Variants in MYLK observed in about 807,000 individuals in gnomAD.
MYLK encodes the protein myosin light chain kinase, smooth muscle.
In MYLK, 106 loss-of-function variants were observed where a neutral mutation model predicts 203.4. That is an observed-to-expected ratio of 0.52 (90% CI 0.45 to 0.61). The LOEUF is 0.61. Ranked by LOEUF, MYLK falls within the 20% of genes least tolerant of loss-of-function variation. The pLI, the probability that MYLK is intolerant of heterozygous loss-of-function variation, is 0.00. For synonymous variants in MYLK, 867 were observed against 959.5 expected (o/e 0.90, Z 1.78); for missense variants, 2,072 against 2,442.3 (o/e 0.85, Z 3.20).
At chr3:123,789,979 A>G (rs919674348) in intron 4 of MYLK, among the ~76,000 whole-genome samples, 2 of 152,224 alleles carry the variant, frequency 1.3e-5, no homozygotes, top group African/African-American at 4.8e-5. Context: ...GCTATTTATC[A>G]GTTAGGAATA....
intron 20 of MYLK, among the ~76,000 whole-genome samples, chr3:123,671,918 TC>T (rs2059925899): frequency 1.3e-5 from 2 of 151,960 alleles, no homozygotes; most frequent in African/African-American, 4.8e-5. Flanking sequence ...AGAGAAGCTC[TC>T]CAGGGAAGAA....
intron 4 of MYLK, among the ~76,000 whole-genome samples, chr3:123,777,143 G>C (rs2064108756): frequency 6.6e-6 from 1 of 152,256 alleles, no homozygotes; most frequent in African/African-American, 2.4e-5. Flanking sequence ...CAGTGATCCT[G>C]ACTGTATTAC....
chr3:123,750,218 A>C (rs1407420362), intron 5 of MYLK, among the ~76,000 whole-genome samples: 1 of 152,250 alleles, frequency 6.6e-6, no homozygotes, highest in Non-Finnish European at 1.5e-5. Flanking sequence ...GAAGACAGAA[A>C]GTATCTTACA....
chr3:123,731,440 T>G (rs367786173), intron 11 of MYLK, among the ~76,000 whole-genome samples: 9 of 152,350 alleles, frequency 5.9e-5, no homozygotes, highest in Admixed American at 3.9e-4. Context: ...CATTTACACA[T>G]GAGCCTGTAC....
chr3:123,875,868 C>G (rs1439991405), intron 2 of MYLK, among the ~76,000 whole-genome samples: 1 of 152,116 alleles, frequency 6.6e-6, no homozygotes, highest in Non-Finnish European at 1.5e-5. Flanking sequence ...AACAGATGAT[C>G]AGGTAGATAC....
At chr3:123,643,482 C>A (rs73860105) in intron 27 of MYLK, among the ~76,000 whole-genome samples, 1,595 of 152,224 alleles carry the variant, frequency 0.01, 28 homozygotes, top group African/African-American at 0.036. Flanking sequence ...TTCAGATATA[C>A]TTATTATATT....
intron 3 of MYLK, chr3:123,831,346 C>T: frequency 1.6e-6 from 2 of 1,284,422 alleles, no homozygotes; most frequent in Non-Finnish European, 2.0e-6. Flanking sequence ...TTCTGACCAG[C>T]TAAGCCAAAA....
chr3:123,880,016 C>T (rs982290929), intron 1 of MYLK, among the ~76,000 whole-genome samples: 8 of 152,164 alleles, frequency 5.3e-5, no homozygotes, highest in Non-Finnish European at 1.2e-4. Context: ...TCATTAGTGT[C>T]TGCTGGTTGA....
At chr3:123,878,480 T>G (rs902123369) in intron 1 of MYLK, among the ~76,000 whole-genome samples, 1 of 152,118 alleles carries the variant, frequency 6.6e-6, no homozygotes, top group Non-Finnish European at 1.5e-5. Context: ...ACAGGCCAGA[T>G]AAAGGTAGGA....
intron 4 of MYLK, among the ~76,000 whole-genome samples, chr3:123,770,780 G>A (rs2063855781): frequency 1.3e-5 from 2 of 152,190 alleles, no homozygotes; most frequent in African/African-American, 4.8e-5. Flanking sequence ...TTGTATAAAA[G>A]TCTACATGCT....
chr3:123,718,828 G>A (rs559484205), intron 13 of MYLK, among the ~76,000 whole-genome samples: 3 of 152,326 alleles, frequency 2.0e-5, no homozygotes, highest in African/African-American at 4.8e-5. Flanking sequence ...TCATCAGAAC[G>A]TAAGCACCCT....
intron 3 of MYLK, among the ~76,000 whole-genome samples, chr3:123,804,298 A>G (rs1214188677): frequency 6.6e-6 from 1 of 152,160 alleles, no homozygotes; most frequent in African/African-American, 2.4e-5. Flanking sequence ...TGGGCAGCCC[A>G]TGGCAGTAGG....
chr3:123,792,351 T>C (rs370403171), intron 4 of MYLK, among the ~76,000 whole-genome samples: 1 of 152,240 alleles, frequency 6.6e-6, no homozygotes, highest in Non-Finnish European at 1.5e-5. Context: ...TTATAATTAC[T>C]GTATATTGAA....
chr3:123,667,310 T>C, intron 20 of MYLK, 123 bp from the exon 21 acceptor site: 1 of 985,306 alleles, frequency 1.0e-6, no homozygotes, highest in Non-Finnish European at 1.6e-6. Context: ...TATTTGAACA[T>C]GTCTTTTCAG....
At chr3:123,638,343 T>A in intron 28 of MYLK, 149 bp from the exon 29 acceptor site, 1 of 1,153,852 alleles carries the variant, frequency 8.7e-7, no homozygotes, top group Admixed American at 1.9e-5. Flanking sequence ...ACATCTGACC[T>A]CCTTGTTAAA....
chr3:123,868,231 T>C (rs2032470014), intron 2 of MYLK, among the ~76,000 whole-genome samples: 1 of 152,202 alleles, frequency 6.6e-6, no homozygotes, highest in South Asian at 2.1e-4. Flanking sequence ...AAAGGGCTAG[T>C]TGGCAATATG....
At chr3:123,675,421 G>A (rs531447765) in intron 20 of MYLK, among the ~76,000 whole-genome samples, 2 of 152,330 alleles carry the variant, frequency 1.3e-5, no homozygotes, top group South Asian at 4.1e-4. Context: ...CAGATGCTCA[G>A]TCTGAAGGCA....
At chr3:123,770,738 G>A (rs2063854140) in intron 4 of MYLK, among the ~76,000 whole-genome samples, 1 of 152,138 alleles carries the variant, frequency 6.6e-6, no homozygotes, top group South Asian at 2.1e-4. Flanking sequence ...CCAAAAGGAG[G>A]GCATATCTGT....
chr3:123,835,683 T>C (rs372431708), intron 2 of MYLK, among the ~76,000 whole-genome samples: 1 of 152,196 alleles, frequency 6.6e-6, no homozygotes, highest in Non-Finnish European at 1.5e-5. Context: ...GACCTTCTTC[T>C]TCCCTCCTGT....
Sources: gnomAD v4.1 joint callset for allele counts (sites outside exome capture counted in the v4.1 genomes callset) on GRCh38, gnomAD v4.1.1 for gene constraint, MANE v1.5 for transcripts, NCBI Gene and HGNC (gene_info 2026-07-23, HGNC 2026-07-21) for gene names.